Variants in DYNC1H1 observed in about 807,000 individuals in gnomAD.
The protein encoded by DYNC1H1 is dynein cytoplasmic 1 heavy chain 1.
DYNC1H1 carries 51 observed loss-of-function variants against 527.1 expected under a neutral mutation model. The observed-to-expected ratio is 0.10, with a 90% CI of 0.08 to 0.12. The LOEUF is 0.12. Ranked by LOEUF, DYNC1H1 falls within the 10% of genes least tolerant of loss-of-function variation. DYNC1H1 has a pLI of 1.00. For missense variants in DYNC1H1, 2,771 were observed against 5,971.8 expected (o/e 0.46, Z 17.66); for synonymous variants, 2,189 against 2,278.8 (o/e 0.96, Z 1.12).
intron 15 of DYNC1H1, 152 bp downstream of exon 15, chr14:101,995,452 A>C (rs1483014071): frequency 4.9e-6 from 5 of 1,016,142 alleles, no homozygotes; most frequent in Non-Finnish European, 7.4e-6. Context: ...TCTACTAAAA[A>C]TACAAAAAAT....
intron 29 of DYNC1H1, 90 bp from the exon 30 acceptor site, chr14:102,009,753 G>A: frequency 6.2e-7 from 1 of 1,602,472 alleles, no homozygotes; most frequent in Non-Finnish European, 8.5e-7. Flanking sequence ...GAGAACGAGA[G>A]CTTTGTCTGT....
In DYNC1H1 at chr14:102,055,366, A is replaced by G. The variant is rs2048865506; in HGVS notation, c.*4803A>G. The G allele has an allele frequency of 6.6e-6, 1 of 151,366 alleles. No individual in the cohort carries two copies. Among genetic ancestry groups the G allele is most frequent in the Non-Finnish European group, 1.5e-5 (1 of 67,968 alleles). 9.4% of individuals were successfully genotyped at this position (151,366 alleles called of 1,614,324 possible). On this transcript the variant is annotated 3_prime_UTR_variant, in exon 78 of 78. Transcript: ENST00000360184. ...TCTACAAAGGCCTCCTCTTTGAGGGAGACACGCGAGGCACGGGTGGGGCGA... is the reference window on the plus strand; with the variant it reads ...TCTACAAAGGCCTCCTCTTTGAGGGGGACACGCGAGGCACGGGTGGGGCGA...
In DYNC1H1 at chr14:102,048,046, G is replaced by C. The variant is rs745843852; in HGVS notation, c.13218+18G>C. 4.4e-6 allele frequency: 7 copies of C among 1,599,840 alleles called. No homozygotes were observed. The highest frequency in any genetic ancestry group is 5.9e-6 in the Non-Finnish European group (7 of 1,176,524). ...ATATCAAGGTAGCTGGGAGGGTGGC[G>C]GGCCGGCCAGGTCTCAAGGTCCCAG... On this transcript the variant is annotated intron_variant, in intron 73 of 77. Coordinates refer to ENST00000360184, the MANE Select transcript of DYNC1H1 (RefSeq NM_001376.5).
chr14:102,049,488 C>T lies in DYNC1H1; in HGVS notation c.13421C>T (p.Thr4474Ile). Residue 4474 changes from threonine (T) to isoleucine (I), a missense_variant, in exon 75 of 78, where the codon ACC becomes ATC. This residue lies in a region of DYNC1H1 where 170 missense variants were observed against 249.8 expected (regional missense o/e 0.68). Coordinates refer to ENST00000360184, the MANE Select transcript of DYNC1H1 (RefSeq NM_001376.5). The surrounding 1 kb of genome is among the most constrained non-coding windows in gnomAD (Gnocchi z 5.5). ...WSHYTVPAGMTVIQWVSDFSE... is the reference protein window; with the variant it reads ...WSHYTVPAGMIVIQWVSDFSE... ...CACTACACGGTGCCTGCCGGCATGA[C>T]CGTCATCCAGTGGGTGTCCGACTTC... The T allele has an allele frequency of 1.2e-6, 2 of 1,614,242 alleles. No homozygotes were observed. The highest frequency in any genetic ancestry group is 1.7e-6 in the Non-Finnish European group (2 of 1,180,050).
intron 34 of DYNC1H1, among the ~76,000 whole-genome samples, chr14:102,014,629 A>G (rs2048299252): frequency 6.6e-6 from 1 of 151,922 alleles, no homozygotes; most frequent in South Asian, 2.1e-4. Context: ...GGACACAGTC[A>G]CTGCTGACAT....
chr14:101,973,717 T>G (rs1156288120), intron 1 of DYNC1H1, among the ~76,000 whole-genome samples: 4 of 152,068 alleles, frequency 2.6e-5, no homozygotes, highest in Non-Finnish European at 4.4e-5. Context: ...GGCAGGAGGA[T>G]CTCTTGAACC....
intron 10 of DYNC1H1, among the ~76,000 whole-genome samples, chr14:101,990,583 A>G (rs1027462835): frequency 2.6e-5 from 4 of 152,184 alleles, no homozygotes; most frequent in South Asian, 4.1e-4. Context: ...TATCAAAACT[A>G]TTTTATTGAG....
chr14:102,012,549 C>A lies in DYNC1H1; in HGVS notation c.7014+79C>A. On this transcript the variant is annotated intron_variant, in intron 34 of 77. Transcript: ENST00000360184. This position sits in a 1 kb window ranked among gnomAD's most constrained non-coding sequence, Gnocchi z 4.9. ...CTTCGTGTGCTAGCTAAGTGCAGCT[C>A]TGGAGTCATGGACCCAGATTCCATG... The A allele has an allele frequency of 6.3e-7, 1 of 1,590,668 alleles. No individual in the cohort carries two copies. Among genetic ancestry groups the A allele is most frequent in the South Asian group, 1.1e-5 (1 of 90,424 alleles).
chr14:101,980,582 A>T (rs1382864647), intron 5 of DYNC1H1, 32 bp downstream of exon 5: 1 of 1,610,540 alleles, frequency 6.2e-7, no homozygotes, highest in South Asian at 1.1e-5. Flanking sequence ...CTGATCAGTA[A>T]GTTATTGATC....
At chr14:102,000,482 T>C in intron 18 of DYNC1H1, 83 bp downstream of exon 18, 2 of 1,297,002 alleles carry the variant, frequency 1.5e-6, no homozygotes, top group Non-Finnish European at 1.1e-6. Context: ...CAAGTTTGTG[T>C]ATTTGTATTG....
chr14:101,971,057 T>C (rs2047731953), intron 1 of DYNC1H1, among the ~76,000 whole-genome samples: 1 of 148,152 alleles, frequency 6.7e-6, no homozygotes, highest in Non-Finnish European at 1.5e-5. Flanking sequence ...GGGCATGCCC[T>C]GTCTACTCAG....
chr14:102,017,585 G>T lies in DYNC1H1; in HGVS notation c.8177+81G>T. The T allele has an allele frequency of 6.2e-7, 1 of 1,611,328 alleles. No individual in the cohort carries two copies. The highest frequency in any genetic ancestry group is 8.5e-7 in the Non-Finnish European group (1 of 1,177,784). On this transcript the variant is annotated intron_variant, in intron 40 of 77. Coordinates refer to ENST00000360184, the MANE Select transcript of DYNC1H1 (RefSeq NM_001376.5). The surrounding 1 kb of genome is among the most constrained non-coding windows in gnomAD (Gnocchi z 4.6). Reference sequence around the variant, plus strand: ...GTAAACACAGCGCCACAAAAACCTGGTTTTGATAATAAAGACAACAATACT... The same window carrying T: ...GTAAACACAGCGCCACAAAAACCTGTTTTTGATAATAAAGACAACAATACT...
rs377291798 is a variant in DYNC1H1 at position 102,022,738 on chromosome 14, G to A, written c.8508-13G>A. The A allele has an allele frequency of 9.9e-6, 16 of 1,613,852 alleles. No individual in the cohort carries two copies. The African/African-American group carries it at 1.9e-4, about 19-fold the overall frequency. On this transcript the variant is annotated splice_polypyrimidine_tract_variant and intron_variant, in intron 42 of 77. Coordinates refer to ENST00000360184, the MANE Select transcript of DYNC1H1 (RefSeq NM_001376.5). ...CTCTAGTTACCTAAATGCACATGCT[G>A]CTCTCCCCACAGACTCGTAGAGGAT...
Position 102,001,710 on chromosome 14 carries a change from C to G in DYNC1H1, c.4542+29C>G, listed in dbSNP as rs781730687. ...CTGTTGCTGGGGAAGCTTTCCCTCC[C>G]CACCAGTGGTCTCCCACGCTTTCAC... On this transcript the variant is annotated intron_variant, in intron 21 of 77. Coordinates refer to ENST00000360184, the MANE Select transcript of DYNC1H1 (RefSeq NM_001376.5). This position sits in a 1 kb window ranked among gnomAD's most constrained non-coding sequence, Gnocchi z 5.0. The G allele has an allele frequency of 6.2e-7, 1 of 1,613,396 alleles. No individual in the cohort carries two copies. Among genetic ancestry groups the G allele is most frequent in the South Asian group, 1.1e-5 (1 of 91,018 alleles).
In DYNC1H1 at chr14:102,036,686, T is replaced by G. The variant is rs756027254; in HGVS notation, c.10908+44T>G. 6.2e-7 allele frequency: 1 copy of G among 1,612,796 alleles called. No individual in the cohort carries two copies. On this transcript the variant is annotated intron_variant, in intron 57 of 77. Coordinates refer to ENST00000360184, the MANE Select transcript of DYNC1H1 (RefSeq NM_001376.5). The surrounding 1 kb of genome is among the most constrained non-coding windows in gnomAD (Gnocchi z 5.6). ...ATTCTTGAAACACTGCATTCAAGAG[T>G]GAATTCCTTTTTGGGGGCTGCCTTT...
chr14:101,975,750 A>G lies in DYNC1H1; in HGVS notation c.295A>G (p.Ile99Val), dbSNP rs1595595758. The change falls in exon 2 of 78, where the codon ATT (isoleucine) becomes GTT (valine). Residue 99 changes from isoleucine (I) to valine (V), a missense_variant. Coordinates refer to ENST00000360184, the MANE Select transcript of DYNC1H1 (RefSeq NM_001376.5). ...TGAAGGAGAAGAAGAAAAAGAATTCATTTCCTATAACATCAACATAGACAT... is the reference window on the plus strand; with the variant it reads ...TGAAGGAGAAGAAGAAAAAGAATTCGTTTCCTATAACATCAACATAGACAT... ...GDEGEEEKEF[I>V]SYNINIDIHY... The G allele has an allele frequency of 6.2e-7, 1 of 1,613,762 alleles. No homozygotes were observed. The highest frequency in any genetic ancestry group is 8.5e-7 in the Non-Finnish European group (1 of 1,179,750).
intron 23 of DYNC1H1, 76 bp downstream of exon 23, chr14:102,003,041 C>T (rs2048149646): frequency 2.5e-6 from 4 of 1,588,770 alleles, no homozygotes; most frequent in Admixed American, 3.4e-5. Flanking sequence ...TCTTCTTTCC[C>T]TTCTGGGCCT....
At chr14:101,966,422 ATTT>A (rs2047668831) in intron 1 of DYNC1H1, among the ~76,000 whole-genome samples, 1 of 151,522 alleles carries the variant, frequency 6.6e-6, no homozygotes, top group African/African-American at 2.4e-5. Context: ...AAAAAAAAAA[ATTT>A]ATCTACTCTT....
chr14:101,987,864 GC>G, intron 9 of DYNC1H1, among the ~76,000 whole-genome samples: 1 of 152,268 alleles, frequency 6.6e-6, no homozygotes, highest in Middle Eastern at 3.4e-3. Flanking sequence ...GATCGCTTGA[GC>G]CCAGAAGTTT....
Sources: gnomAD v4.1 joint callset for allele counts (sites outside exome capture counted in the v4.1 genomes callset) on GRCh38, gnomAD v4.1.1 for gene constraint, gnomAD v4.1.1 regional missense constraint, Gnocchi (gnomAD v3.1) non-coding constraint, MANE v1.5 for transcripts, NCBI Gene and HGNC (gene_info 2026-07-23, HGNC 2026-07-21) for gene names.